The following LANCL2 variants were observed in gnomAD, a reference collection of about 807,000 sequenced individuals.
LANCL2 encodes the protein LanC like glutathione S-transferase 2.
LANCL2 carries 33 observed loss-of-function variants against 56.9 expected under a neutral mutation model. The observed-to-expected ratio is 0.58, with a 90% CI of 0.44 to 0.78. LANCL2 has a LOEUF of 0.78. LANCL2 is among the 30% of genes least tolerant of loss of function. The pLI is 0.00. For synonymous variants in LANCL2, 233 were observed against 228.2 expected, an observed-to-expected ratio of 1.02 and a Z score of -0.19; for missense variants, 562 against 580.2, an observed-to-expected ratio of 0.97 and a Z score of 0.32.
rs1562872502 is a variant in LANCL2, at chr7:55,432,030, G to GTA, written c.*710_*711insTA. 1.3e-5 allele frequency: 2 copies of GTA among 152,028 alleles called. No homozygotes were observed. The highest frequency in any genetic ancestry group is 2.9e-5 in the Non-Finnish European group (2 of 68,014). The allele number at this position is 152,028 out of a possible 1,614,324, so 9.4% of individuals were successfully genotyped here. On this transcript the variant is annotated 3_prime_UTR_variant, in exon 9 of 9. Coordinates refer to ENST00000254770, the MANE Select transcript of LANCL2 (RefSeq NM_018697.4). ...CCAGGGCAGCTGGAGCTTTGTTGGG[G>GTA]AGACTTCTGGACCCAAAGGGAGCTT...
intron 1 of LANCL2, among the ~76,000 whole-genome samples, chr7:55,368,072 A>AG (rs1439276060): frequency 1.3e-5 from 2 of 152,236 alleles, no homozygotes; most frequent in Non-Finnish European, 2.9e-5. Flanking sequence ...TCCTTGGAGT[A>AG]GGTAGGTTAC....
chr7:55,394,516 C>T (rs1300973025), intron 2 of LANCL2, among the ~76,000 whole-genome samples: 1 of 152,202 alleles, frequency 6.6e-6, no homozygotes, highest in African/African-American at 2.4e-5. Context: ...GCCATGATTA[C>T]ACTGCTGCAC....
At chr7:55,403,438 A>AGAGGGAGAGGGAGAGGGAGAG (rs1398825552) in intron 5 of LANCL2, among the ~76,000 whole-genome samples, 7 of 138,078 alleles carry the variant, frequency 5.1e-5, no homozygotes, top group African/African-American at 2.1e-4. Flanking sequence ...CCGTGGAAAG[A>AGAGGGAGAGGGAGAGGGAGAG]GAGGGAGAGG....
chr7:55,398,486 C>G lies in LANCL2; in HGVS notation c.386C>G (p.Ser129Cys). Residue 129 changes from serine to cysteine, a missense_variant, in exon 3 of 9, where the codon TCC (serine) becomes TGC (cysteine). Around this residue, in one of 2 missense-constraint regions of LANCL2, gnomAD observed 378 missense variants for 468.4 expected, o/e 0.81. Transcript: ENST00000254770. ...VTCDQTYLLR[S>C]LDYVKRTLRN... ...TGTGACCAAACCTACCTGCTCCGAT[C>G]CCTGGATTACGTAAAAAGAACACTT... 1 of 1,614,160 alleles carries G rather than the reference C, an allele frequency of 6.2e-7. No individual in the cohort carries two copies. Among genetic ancestry groups the G allele is most frequent in the Non-Finnish European group, 8.5e-7 (1 of 1,180,020 alleles).
Position 55,365,840 on chromosome 7 carries a change from C to T in LANCL2, c.-186C>T. 3 of 463,222 alleles carry T rather than the reference C, an allele frequency of 6.5e-6. No homozygotes were observed. Among genetic ancestry groups the T allele is most frequent in the Non-Finnish European group, 1.1e-5 (3 of 264,074 alleles). 28.7% of individuals were successfully genotyped at this position (463,222 alleles called of 1,614,324 possible). A position where few individuals can be genotyped will look rare whatever the true frequency, so the allele number is the denominator to read the frequency against. On this transcript the variant is annotated 5_prime_UTR_variant, in exon 1 of 9. Transcript: ENST00000254770. The stretch of plus-strand genomic sequence containing the variant: ...CAGCGCCCACCGCCTCTGCGGCCGC[C>T]TGATGTGCGAGCAGCCCGCGACGAG...
At chr7:55,386,281 T>G (rs559375382) in intron 1 of LANCL2, among the ~76,000 whole-genome samples, 1 of 152,360 alleles carries the variant, frequency 6.6e-6, no homozygotes, top group East Asian at 1.9e-4. Flanking sequence ...CATGAAGTCT[T>G]TACAATTTAT....
At chr7:55,410,323 A>G (rs1790457084) in intron 5 of LANCL2, among the ~76,000 whole-genome samples, 1 of 152,238 alleles carries the variant, frequency 6.6e-6, no homozygotes, top group South Asian at 2.1e-4. Context: ...TTAAAAAGCT[A>G]ATATATTCTC....
In LANCL2 at chr7:55,402,699, C is replaced by T. The variant is rs1250315075; in HGVS notation, c.825+1379C>T. Reference sequence around the variant, plus strand: ...ACGGGGCGGCTGGCCGGGCGGGGGGCTGACCCCCACCTCCCTCCCAGACGG... The same window carrying T: ...ACGGGGCGGCTGGCCGGGCGGGGGGTTGACCCCCACCTCCCTCCCAGACGG... On this transcript the variant is annotated intron_variant, in intron 5 of 8. Coordinates refer to ENST00000254770, the MANE Select transcript of LANCL2 (RefSeq NM_018697.4). Among the ~76,000 whole-genome samples the T allele has an allele frequency of 4.0e-5, 5 of 124,168 alleles. 1 individual carries two copies. Among genetic ancestry groups the T allele is most frequent in the African/African-American group, 1.6e-4 (5 of 32,050 alleles). 81.5% of individuals were successfully genotyped at this position (124,168 alleles called of 152,430 possible).
intron 6 of LANCL2, among the ~76,000 whole-genome samples, chr7:55,412,748 G>T (rs1265458651): frequency 1.3e-5 from 2 of 152,174 alleles, no homozygotes; most frequent in Non-Finnish European, 1.5e-5. Flanking sequence ...TAACACATCT[G>T]TGTTTGTAAT....
rs1247591836 is a variant in LANCL2 at position 55,428,160 on chromosome 7, A to G, written c.1186-215A>G. 3 of 590,348 alleles carry G rather than the reference A, an allele frequency of 5.1e-6. No homozygotes were observed. The Admixed American group carries it at 8.9e-5, about 17-fold the overall frequency. 36.6% of individuals were successfully genotyped at this position (590,348 alleles called of 1,614,324 possible). On this transcript the variant is annotated intron_variant, in intron 7 of 8. Coordinates refer to ENST00000254770, the MANE Select transcript of LANCL2 (RefSeq NM_018697.4). ...CACCTCGGACTTCCCAGCAGCTGTA[A>G]GGCAGACCCCACTCTACAGCTGAGG...
In LANCL2 at chr7:55,366,208, C is replaced by G. The variant is rs765219069; in HGVS notation, c.183C>G (p.Leu61=). ...CGGCGACCACGGATGAGCCCGGCCT[C>G]CCTTTTCATCAGGACGGGAAGGTGA... ...RPPATTDEPG[L]PFHQDGKIIH... is the part of the protein sequence containing the mutation. The change falls in exon 1 of 9, where the codon CTC becomes CTG. Residue 61 remains leucine, a synonymous_variant. Coordinates refer to ENST00000254770, the MANE Select transcript of LANCL2 (RefSeq NM_018697.4). 7 of 1,537,610 alleles carry G rather than the reference C, an allele frequency of 4.6e-6. No homozygotes were observed. The Admixed American group carries it at 1.2e-4, about 25-fold the overall frequency.
At chr7:55,374,020 A>G (rs549304733) in intron 1 of LANCL2, among the ~76,000 whole-genome samples, 1 of 152,364 alleles carries the variant, frequency 6.6e-6, no homozygotes, top group Admixed American at 6.5e-5. Context: ...TGTTTAATCA[A>G]AATGAAACCT....
At chr7:55,403,478 G>A (rs1459149280) in intron 5 of LANCL2, among the ~76,000 whole-genome samples, 2 of 151,924 alleles carry the variant, frequency 1.3e-5, no homozygotes, top group East Asian at 3.9e-4. Flanking sequence ...GGGAGAGGAG[G>A]AGCCTTTCCA....
chr7:55,374,395 A>G (rs899991599), intron 1 of LANCL2, among the ~76,000 whole-genome samples: 4 of 152,230 alleles, frequency 2.6e-5, no homozygotes, highest in Admixed American at 6.5e-5. Context: ...GACTATTTTT[A>G]GCAGAATGAA....
chr7:55,393,260 G>A (rs1369040453), intron 2 of LANCL2, among the ~76,000 whole-genome samples: 3 of 152,158 alleles, frequency 2.0e-5, no homozygotes, highest in African/African-American at 4.8e-5. Context: ...GGCCAGGTGC[G>A]GTGGCTCAAG....
At chr7:55,414,675 A>T (rs1481691560) in intron 6 of LANCL2, among the ~76,000 whole-genome samples, 2 of 152,054 alleles carry the variant, frequency 1.3e-5, no homozygotes, top group African/African-American at 4.8e-5. Flanking sequence ...GGTATTTTAG[A>T]TGGCCTTAAA....
Position 55,401,233 on chromosome 7 carries a change from G to C in LANCL2, c.738G>C (p.Glu246Asp). The change falls in exon 5 of 9, where the codon GAG becomes GAC. Residue 246 changes from glutamate (E) to aspartate (D), a missense_variant. By Grantham distance (45) the Glu-to-Asp change is conservative (BLOSUM62 2). Coordinates refer to ENST00000254770, the MANE Select transcript of LANCL2 (RefSeq NM_018697.4). ...KTLSREERKT[E>D]RCPLLYQWHR... ...TGTCAAGGGAAGAAAGAAAAACGGA[G>C]CGCTGCCCGCTGTTGTACCAGTGGC... The C allele has an allele frequency of 6.2e-7, 1 of 1,614,142 alleles. No homozygotes were observed. The highest frequency in any genetic ancestry group is 1.1e-5 in the South Asian group (1 of 91,088).
intron 1 of LANCL2, among the ~76,000 whole-genome samples, chr7:55,376,858 A>G (rs1790008985): frequency 6.6e-6 from 1 of 152,228 alleles, no homozygotes; most frequent in Non-Finnish European, 1.5e-5. Flanking sequence ...CATGGAAAGC[A>G]TTATTTGTTT....
intron 1 of LANCL2, among the ~76,000 whole-genome samples, chr7:55,389,548 G>C (rs1245430186): frequency 6.6e-6 from 1 of 152,128 alleles, no homozygotes; most frequent in Non-Finnish European, 1.5e-5. Flanking sequence ...AGGTAAAGAG[G>C]GTGTTCAGTT....
Sources: allele counts gnomAD v4.1 joint callset (sites outside exome capture counted in the v4.1 genomes callset), GRCh38; gene constraint gnomAD v4.1.1; regional missense constraint gnomAD v4.1.1; transcripts MANE v1.5; gene names NCBI Gene and HGNC (gene_info 2026-07-23, HGNC 2026-07-21).